Variants in TMEM200A observed in about 807,000 individuals in gnomAD.
TMEM200A encodes the protein two transmembrane C.
In TMEM200A, 12 loss-of-function variants were observed where a neutral mutation model predicts 24.3. The observed-to-expected ratio is 0.49, with a 90% confidence interval of 0.32 to 0.80. The LOEUF (loss-of-function observed/expected upper bound fraction) is 0.80, where lower values mean the gene tolerates loss of function less well. Among genes scored for constraint, TMEM200A ranks in the 30% least tolerant of loss-of-function variants. The pLI, the probability that TMEM200A is intolerant of heterozygous loss-of-function variation, is 0.04. For missense variants in TMEM200A, 545 were observed against 614.4 expected (o/e 0.89, Z 1.19); for synonymous variants, 224 against 224.4 (o/e 1.00, Z 0.02).
chr6:130,380,101 T>C (rs1467723628), intron 1 of TMEM200A, among the ~76,000 whole-genome samples: 1 of 152,242 alleles, frequency 6.6e-6, no homozygotes, highest in Non-Finnish European at 1.5e-5. Flanking sequence ...CAATGTAGTA[T>C]AACCTTCAAA....
At chr6:130,402,641 A>C (rs2069370848) in intron 2 of TMEM200A, among the ~76,000 whole-genome samples, 1 of 152,190 alleles carries the variant, frequency 6.6e-6, no homozygotes, top group South Asian at 2.1e-4. Context: ...TACCTATGGA[A>C]TATACTGCAG....
At chr6:130,403,587 A>G (rs1779136897) in intron 2 of TMEM200A, among the ~76,000 whole-genome samples, 1 of 152,040 alleles carries the variant, frequency 6.6e-6, no homozygotes. Context: ...AGCCTGGATC[A>G]TCTATAGTTT....
At chr6:130,416,076 A>G (rs1201430085) in intron 2 of TMEM200A, among the ~76,000 whole-genome samples, 1 of 152,118 alleles carries the variant, frequency 6.6e-6, no homozygotes, top group African/African-American at 2.4e-5. Context: ...TTTTCTTAAT[A>G]GTATATTGAA....
At chr6:130,416,246 A>G (rs1460437881) in intron 2 of TMEM200A, among the ~76,000 whole-genome samples, 1 of 152,110 alleles carries the variant, frequency 6.6e-6, no homozygotes, top group East Asian at 1.9e-4. Context: ...AAACATTATT[A>G]TGATTCATAG....
chr6:130,417,336 G>GA (rs371061506), intron 2 of TMEM200A, among the ~76,000 whole-genome samples: 2 of 152,100 alleles, frequency 1.3e-5, no homozygotes, highest in African/African-American at 4.8e-5. Context: ...ATCTGAGTTT[G>GA]AAAAAAATAA....
At chr6:130,414,831 A>G (rs1255457735) in intron 2 of TMEM200A, among the ~76,000 whole-genome samples, 3 of 152,168 alleles carry the variant, frequency 2.0e-5, no homozygotes, top group Non-Finnish European at 2.9e-5. Context: ...TCCCTTTATA[A>G]TCTAGTGGAG....
intron 2 of TMEM200A, among the ~76,000 whole-genome samples, chr6:130,389,426 G>A (rs377464057): frequency 1.9e-4 from 29 of 151,362 alleles, no homozygotes; most frequent in African/African-American, 2.9e-4. Flanking sequence ...TATATCCTAC[G>A]TAAAGAACAA....
chr6:130,441,450 C>G lies in TMEM200A; in HGVS notation c.1028C>G (p.Thr343Arg), dbSNP rs779716936. 1 of 1,614,094 alleles carries G rather than the reference C, an allele frequency of 6.2e-7. No homozygotes were observed. The highest frequency in any genetic ancestry group is 1.1e-5 in the South Asian group (1 of 91,078). The change falls in exon 3 of 3, where the codon ACA (threonine) becomes AGA (arginine). Residue 343 changes from threonine (T) to arginine (R), a missense_variant. Transcript: ENST00000296978. ...AGTGAATCCTTCCAGCCCGTCAGCA[C>G]AGTGCTACCAAGGAATAATTCCATT... ...NTSESFQPVS[T>R]VLPRNNSIGE...
At chr6:130,376,188 GA>G (rs901152110) in intron 1 of TMEM200A, among the ~76,000 whole-genome samples, 4 of 151,710 alleles carry the variant, frequency 2.6e-5, no homozygotes, top group South Asian at 2.1e-4. Flanking sequence ...CTACTTGTAA[GA>G]AAAAAAATTA....
At chr6:130,406,153 C>T (rs17058934) in intron 2 of TMEM200A, among the ~76,000 whole-genome samples, 4,138 of 152,142 alleles carry the variant, frequency 0.027, 66 homozygotes, top group African/African-American at 0.042. Context: ...GGCTCCTTTC[C>T]GTTTACATAT....
upstream of TMEM200A, chr6:130,365,852 G>A: frequency 1.0e-6 from 1 of 985,650 alleles, no homozygotes; most frequent in Non-Finnish European, 1.2e-6. Context: ...CCTCCAGGAG[G>A]AGTGGGTGGC....
chr6:130,431,463 A>C (rs140987767), intron 2 of TMEM200A, among the ~76,000 whole-genome samples: 1 of 152,268 alleles, frequency 6.6e-6, no homozygotes, highest in East Asian at 1.9e-4. Flanking sequence ...GTTTCAAGTC[A>C]CCTTCCTGTC....
intron 2 of TMEM200A, among the ~76,000 whole-genome samples, chr6:130,394,550 T>A (rs952226001): frequency 6.6e-6 from 1 of 152,208 alleles, no homozygotes; most frequent in African/African-American, 2.4e-5. Flanking sequence ...TTACTTCCAA[T>A]TACCAGTTTC....
Position 130,441,694 on chromosome 6 carries a change from G to A in TMEM200A, c.1272G>A (p.Arg424=), listed in dbSNP as rs1209889012. The A allele has an allele frequency of 6.2e-7, 1 of 1,614,036 alleles. No individual in the cohort carries two copies. The highest frequency in any genetic ancestry group is 8.5e-7 in the Non-Finnish European group (1 of 1,179,982). Residue 424 remains arginine (R), a synonymous_variant, in exon 3 of 3, where the codon CGG becomes CGA. Coordinates refer to ENST00000296978, the MANE Select transcript of TMEM200A (RefSeq NM_001258277.2). ...ATCCAAGTTGGCCTAGGTTGGATCG[G>A]AACAACAGCAAGGGATATATGAAAC... ...RKHPSWPRLD[R]NNSKGYMKLE...
intron 2 of TMEM200A, among the ~76,000 whole-genome samples, chr6:130,393,835 A>G (rs998754347): frequency 6.6e-6 from 1 of 152,188 alleles, no homozygotes; most frequent in Admixed American, 6.5e-5. Context: ...CCAGGAAACA[A>G]TTGCTGCATT....
chr6:130,391,903 C>T (rs562265454), intron 2 of TMEM200A, among the ~76,000 whole-genome samples: 8 of 152,048 alleles, frequency 5.3e-5, no homozygotes, highest in East Asian at 1.9e-4. Context: ...CCACCATGCC[C>T]GGCTAATTTT....
chr6:130,381,898 CT>C (rs1395003349), intron 1 of TMEM200A: 5 of 985,194 alleles, frequency 5.1e-6, no homozygotes, highest in Non-Finnish European at 3.6e-6. Context: ...GTTAACCGAC[CT>C]GTCTGCAGCT....
chr6:130,409,215 C>A (rs1319278918), intron 2 of TMEM200A, among the ~76,000 whole-genome samples: 1 of 152,164 alleles, frequency 6.6e-6, no homozygotes, highest in Non-Finnish European at 1.5e-5. Context: ...ATAATCATTT[C>A]TAATTCTCTT....
intron 2 of TMEM200A, among the ~76,000 whole-genome samples, chr6:130,398,805 A>G (rs1779015662): frequency 6.6e-6 from 1 of 151,894 alleles, no homozygotes; most frequent in African/African-American, 2.4e-5. Context: ...AACTGTCACC[A>G]TCTAATGATA....
Sources: allele counts gnomAD v4.1 joint callset (sites outside exome capture counted in the v4.1 genomes callset), GRCh38; gene constraint gnomAD v4.1.1; transcripts MANE v1.5; gene names NCBI Gene and HGNC (gene_info 2026-07-23, HGNC 2026-07-21).